The following S100B variants were observed in gnomAD, a reference collection of about 807,000 sequenced individuals.
S100B encodes protein S100-B.
A neutral mutation model predicts 7.7 loss-of-function variants in S100B; 6 were observed. The observed-to-expected ratio is 0.78, with a 90% confidence interval of 0.43 to 1.54. The LOEUF (loss-of-function observed/expected upper bound fraction) is 1.54. Among genes scored for constraint, S100B ranks in the 40% most tolerant of loss-of-function variants. S100B has a pLI of 0.01. For missense variants in S100B, 99 were observed against 111.8 expected (o/e 0.89, Z 0.52); for synonymous variants, 36 against 40.4 (o/e 0.89, Z 0.41).
intron 1 of S100B, among the ~76,000 whole-genome samples, chr21:46,603,398 T>TGGGGGGAGGGGGGGGCGGGGGGGGGGA: frequency 1.9e-5 from 1 of 52,070 alleles, no homozygotes; most frequent in Non-Finnish European, 3.8e-5. Flanking sequence ...CGGGAGGGGG[T>TGGGGGGAGGGGGGGGCGGGGGGGGGGA]GGGGGCAGGA....
intron 1 of S100B, among the ~76,000 whole-genome samples, chr21:46,604,274 T>C (rs1177652878): frequency 6.6e-6 from 1 of 152,260 alleles, no homozygotes; most frequent in Non-Finnish European, 1.5e-5. Context: ...TAAATGTCCG[T>C]TTCTTTCTCA....
chr21:46,603,398 T>TGGGGGGAGGGGGGGGCGGGGGGGGGGC, intron 1 of S100B, among the ~76,000 whole-genome samples: 12 of 52,124 alleles, frequency 2.3e-4, no homozygotes, highest in African/African-American at 5.7e-4. Flanking sequence ...CGGGAGGGGG[T>TGGGGGGAGGGGGGGGCGGGGGGGGGGC]GGGGGCAGGA....
intron 2 of S100B, among the ~76,000 whole-genome samples, chr21:46,601,708 G>A (rs985012712): frequency 2.0e-5 from 3 of 152,158 alleles, no homozygotes; most frequent in African/African-American, 7.2e-5. Flanking sequence ...AAAGCCCCAG[G>A]GCTTCCAAAG....
rs569025435 is a variant in S100B, at chr21:46,604,319, T to A, written c.-2+694A>T. On this transcript the variant is annotated intron_variant, in intron 1 of 2. Transcript: ENST00000291700. ...AATGTCCTACATTAATCTTTTAATA[T>A]TGAGAACAAGAGAACTTTTGAACTT... Among the ~76,000 whole-genome samples, 13 of 152,350 alleles carry A rather than the reference T, an allele frequency of 8.5e-5. No homozygotes were observed. In the South Asian group the frequency reaches 1.0e-3, roughly 12 times the overall value.
intron 2 of S100B, among the ~76,000 whole-genome samples, chr21:46,599,715 GA>G (rs548190099): frequency 6.6e-6 from 1 of 151,914 alleles, no homozygotes; most frequent in Non-Finnish European, 1.5e-5. Flanking sequence ...TGAGCTACTG[GA>G]AAAGGCTGAA....
rs2061044909 is a variant in S100B at position 46,602,646 on chromosome 21, T to C, written c.-1-230A>G. 1.5e-5 allele frequency: 7 copies of C among 457,942 alleles called. No homozygotes were observed. The East Asian group carries it at 2.5e-4, about 16-fold the overall frequency. The allele number at this position is 457,942 out of a possible 1,614,324, so 28.4% of individuals were successfully genotyped here. ...GCTGTGGGCCTGCCTTCTCTGTCCG[T>C]GTGGGCCACGGGGATATATTCCCAT... On this transcript the variant is annotated intron_variant, in intron 1 of 2. Transcript: ENST00000291700.
rs1473606966 is a variant in S100B, at chr21:46,602,433, G to GA, written c.-1-18dup. The GA allele has an allele frequency of 3.7e-6, 6 of 1,609,284 alleles. No individual in the cohort carries two copies. In the East Asian group the frequency reaches 1.3e-4, roughly 36 times the overall value. On this transcript the variant is annotated splice_polypyrimidine_tract_variant and intron_variant, in intron 1 of 2. Transcript: ENST00000291700. ...TCAGACATCCTAGGGGCTCGCAAAG[G>GA]AAAGTTGCCTTCTCATCTATACCTC... is the stretch of plus-strand genomic sequence containing the variant.
At position 46,602,390 on chromosome 21, in the gene S100B, A is replaced by G. The variant is rs372056269; in HGVS notation, c.26T>C (p.Val9Ala). The G allele has an allele frequency of 3.3e-5, 54 of 1,613,982 alleles. 1 individual carries two copies. The African/African-American group carries it at 6.3e-4, about 19-fold the overall frequency. Reference protein sequence around the residue: MSELEKAMVALIDVFHQYS... With the variant: MSELEKAMAALIDVFHQYS... Reference sequence around the variant, plus strand: ...TTGGTGGAAAACGTCGATGAGGGCCACCATGGCCTTCTCCAGCTCAGACAT... The same window carrying G: ...TTGGTGGAAAACGTCGATGAGGGCCGCCATGGCCTTCTCCAGCTCAGACAT... Residue 9 changes from valine to alanine, a missense_variant, in exon 2 of 3, where the codon GTG becomes GCG. Transcript: ENST00000291700.
intron 2 of S100B, 123 bp from the exon 3 acceptor site, chr21:46,599,626 C>A: frequency 1.1e-6 from 1 of 884,358 alleles, no homozygotes; most frequent in South Asian, 1.4e-5. Flanking sequence ...ACATCAAATG[C>A]AAAATATCAG....
chr21:46,598,758 G>GC lies in S100B; in HGVS notation c.*604dup, dbSNP rs978067783. ...CATGGGTCACGGAGGCCACGCTGGAGCCCCCAGAGCTGGCTCGGATTGCGA... is the reference window on the plus strand; with the variant it reads ...CATGGGTCACGGAGGCCACGCTGGAGCCCCCCAGAGCTGGCTCGGATTGCGA... On this transcript the variant is annotated 3_prime_UTR_variant, in exon 3 of 3. Transcript: ENST00000291700. 4.6e-5 allele frequency among the ~76,000 whole-genome samples: 7 copies of GC among 152,248 alleles called. No homozygotes were observed. The highest frequency in any genetic ancestry group is 4.6e-4 in the Admixed American group (7 of 15,294).
rs79768839 is a variant in S100B, at chr21:46,604,490, G to A, written c.-2+523C>T. Among the ~76,000 whole-genome samples, 498 of 152,290 alleles carry A rather than the reference G, an allele frequency of 3.3e-3. 4 individuals are homozygous for A. Among genetic ancestry groups the A allele is most frequent in the Non-Finnish European group, 5.2e-3 (353 of 68,024 alleles). The stretch of plus-strand genomic sequence containing the variant: ...GACCCAATTTATTTGTAATTGTTAC[G>A]TAATTTCTGAGTGGCGTCCTGGGGC... On this transcript the variant is annotated intron_variant, in intron 1 of 2. Coordinates refer to ENST00000291700, the MANE Select transcript of S100B (RefSeq NM_006272.3).
At chr21:46,602,710 C>A (rs756338634) in intron 1 of S100B, 3 of 277,436 alleles carry the variant, frequency 1.1e-5, no homozygotes, top group Non-Finnish European at 2.0e-5. Flanking sequence ...AACAGGGAAA[C>A]TGGCAAAAAT....
chr21:46,601,611 C>T (rs1051971533), intron 2 of S100B, among the ~76,000 whole-genome samples: 10 of 152,330 alleles, frequency 6.6e-5, no homozygotes, highest in African/African-American at 2.4e-4. Context: ...CAGGGCTTGC[C>T]AGGAGCCCCC....
At chr21:46,602,866 C>T (rs2061045579) in intron 1 of S100B, 1 of 155,560 alleles carries the variant, frequency 6.4e-6, no homozygotes, top group Non-Finnish European at 1.4e-5. Flanking sequence ...TAAAATCAAT[C>T]TGAAAGTGAG....
intron 1 of S100B, among the ~76,000 whole-genome samples, chr21:46,604,557 C>T (rs768171750): frequency 2.6e-5 from 4 of 152,112 alleles, no homozygotes; most frequent in African/African-American, 9.7e-5. Flanking sequence ...AACTGGAAAA[C>T]TGAAGAGTTA....
At chr21:46,600,088 GC>G (rs1470738245) in intron 2 of S100B, among the ~76,000 whole-genome samples, 1 of 152,234 alleles carries the variant, frequency 6.6e-6, no homozygotes, top group Non-Finnish European at 1.5e-5. Context: ...GATGTGCACA[GC>G]CTCAGAGGAA....
At chr21:46,599,977 G>A (rs575045327) in intron 2 of S100B, among the ~76,000 whole-genome samples, 2 of 152,256 alleles carry the variant, frequency 1.3e-5, no homozygotes, top group South Asian at 4.1e-4. Context: ...TGTTAACCCT[G>A]TATTCTTTTT....
intron 1 of S100B, 199 bp from the exon 2 acceptor site, chr21:46,602,615 TAGAC>T (rs1440346637): frequency 3.8e-6 from 2 of 520,936 alleles, no homozygotes; most frequent in African/African-American, 1.9e-5. Flanking sequence ...ACCGGCCTCT[TAGAC>T]AGCTGTGGGC....
At chr21:46,602,497 A>C in intron 1 of S100B, 81 bp from the exon 2 acceptor site, 3 of 1,411,060 alleles carry the variant, frequency 2.1e-6, no homozygotes, top group Non-Finnish European at 2.9e-6. Flanking sequence ...ACAGACCTCA[A>C]CCCAGACAAG....
Sources: gnomAD v4.1 joint callset for allele counts (sites outside exome capture counted in the v4.1 genomes callset) on GRCh38, gnomAD v4.1.1 for gene constraint, MANE v1.5 for transcripts, NCBI Gene and HGNC (gene_info 2026-07-23, HGNC 2026-07-21) for gene names.